MYO9B: variants seen among roughly 807,000 people sequenced by gnomAD.
MYO9B encodes the protein unconventional myosin-IXb.
In MYO9B, 71 loss-of-function variants were observed where a neutral mutation model predicts 229.5. The observed-to-expected ratio is 0.31, with a 90% confidence interval of 0.26 to 0.38. MYO9B has a LOEUF of 0.38. MYO9B is among the 10% of genes least tolerant of loss of function. The probability of loss-of-function intolerance (pLI) is 1.00; values close to 1 mark genes in which losing one functional copy is unlikely to be tolerated. For synonymous variants in MYO9B, 1,185 were observed against 1,235.8 expected, an observed-to-expected ratio of 0.96 and a Z score of 0.86; for missense variants, 2,255 against 2,920.5, an observed-to-expected ratio of 0.77 and a Z score of 5.25.
chr19:17,208,179 A>G (rs371114751), intron 35 of MYO9B, among the ~76,000 whole-genome samples: 2 of 147,438 alleles, frequency 1.4e-5, no homozygotes, highest in Non-Finnish European at 3.0e-5. Flanking sequence ...AATAAAAAAT[A>G]TATATATAAA....
rs374683679 is a variant in MYO9B at position 17,194,877 on chromosome 19, G to A, written c.3450G>A (p.Ser1150=). Residue 1150 remains serine (S), a synonymous_variant, in exon 22 of 40, where the codon TCG becomes TCA. Coordinates refer to ENST00000682292, the MANE Select transcript of MYO9B (RefSeq NM_004145.4). ...CCAGCAGCCGGGAGAAGCGTGAGTC[G>A]CGTCGGCAAAGAGGGCTGGAGCACG... is the stretch of plus-strand genomic sequence containing the variant. The part of the protein sequence containing the change: ...KVPSSREKRE[S]RRQRGLEHVK... The A allele has an allele frequency of 1.3e-5, 21 of 1,613,222 alleles. No individual in the cohort carries two copies. The highest frequency in any genetic ancestry group is 5.3e-5 in the African/African-American group (4 of 74,920).
chr19:17,211,296 G>A (rs2073225983), intron 38 of MYO9B, among the ~76,000 whole-genome samples: 1 of 152,074 alleles, frequency 6.6e-6, no homozygotes, highest in South Asian at 2.1e-4. Flanking sequence ...TTCTGAGACA[G>A]GGTCTTTCTC....
chr19:17,206,253 G>T lies in MYO9B; in HGVS notation c.5263G>T (p.Ala1755Ser), dbSNP rs373181703. The T allele has an allele frequency of 4.8e-6, 1 of 210,416 alleles. No individual in the cohort carries two copies. Among genetic ancestry groups the T allele is most frequent in the African/African-American group, 8.3e-5 (1 of 11,992 alleles). The allele number at this position is 210,416 out of a possible 1,614,324, so 13.0% of individuals were successfully genotyped here. Residue 1755 changes from alanine (A) to serine (S), a missense_variant, in exon 33 of 40, where the codon GCA becomes TCA. Physicochemically the swap from Ala to Ser is moderately conservative, Grantham distance 99 (BLOSUM62 1). Around this residue, in one of 7 missense-constraint regions of MYO9B, gnomAD observed 416 missense variants for 605.5 expected, o/e 0.69. Transcript: ENST00000682292. ...ELRQALQTDP[A>S]AVKLENFPIH... ...CCACCCCACCCACCCCACAGACCCCGCAGCAGTCAAGCTGGAGAACTTCCC... is the reference window on the plus strand; with the variant it reads ...CCACCCCACCCACCCCACAGACCCCTCAGCAGTCAAGCTGGAGAACTTCCC...
chr19:17,186,012 C>CT lies in MYO9B; in HGVS notation c.2577+12dup, dbSNP rs759925666. 3.1e-6 allele frequency: 5 copies of CT among 1,612,780 alleles called. No individual in the cohort carries two copies. The African/African-American group carries it at 6.7e-5, about 22-fold the overall frequency. ...TCCAATGCTGAAAAGGTGAGTTTCT[C>CT]TAAGGTGTTTGGGAGGAGAAGGCCC... On this transcript the variant is annotated intron_variant, in intron 18 of 39. Transcript: ENST00000682292.
At position 17,156,059 on chromosome 19, in the gene MYO9B, G is replaced by A. The variant is rs557693931; in HGVS notation, c.1200-850G>A. Among the ~76,000 whole-genome samples the A allele has an allele frequency of 2.7e-5, 4 of 150,892 alleles. No homozygotes were observed. The East Asian group carries it at 7.9e-4, about 30-fold the overall frequency. On this transcript the variant is annotated intron_variant, in intron 6 of 39. Transcript: ENST00000682292. ...AAGATGGCACCTCTGAATAGCCAGT[G>A]GACTCCATCCTGGACAACATAGCCA... is the stretch of plus-strand genomic sequence containing the variant.
intron 1 of MYO9B, among the ~76,000 whole-genome samples, chr19:17,092,981 C>G (rs774882907): frequency 3.3e-5 from 5 of 152,134 alleles, no homozygotes; most frequent in African/African-American, 1.2e-4. Flanking sequence ...TGTGTACATG[C>G]AAGCACATGG....
chr19:17,078,718 A>G (rs2057508602), intron 1 of MYO9B, among the ~76,000 whole-genome samples: 4 of 152,160 alleles, frequency 2.6e-5, no homozygotes, highest in African/African-American at 7.2e-5. Context: ...ACCTGGAAAG[A>G]TACCACGTGT....
intron 22 of MYO9B, among the ~76,000 whole-genome samples, chr19:17,196,632 G>A (rs372074516): frequency 2.6e-5 from 4 of 150,990 alleles, no homozygotes; most frequent in African/African-American, 9.8e-5. Context: ...GCAGTGAGCC[G>A]AGATCAAGTC....
intron 2 of MYO9B, among the ~76,000 whole-genome samples, chr19:17,117,937 CAAAAA>C (rs567862829): frequency 3.3e-5 from 3 of 91,404 alleles, no homozygotes; most frequent in South Asian, 3.7e-4. Flanking sequence ...CACTCTTCCT[CAAAAA>C]AAAAAAAAAA....
chr19:17,102,039 C>T lies in MYO9B; in HGVS notation c.322C>T (p.Leu108=), dbSNP rs754672549. 6.2e-7 allele frequency: 1 copy of T among 1,612,494 alleles called. No homozygotes were observed. The highest frequency in any genetic ancestry group is 2.2e-5 in the East Asian group (1 of 44,882). ...CCCTCAGGAGGATGGCTACTACTTC[C>T]TGCTGCAGGAGCGCAACGCAGATGG... is the stretch of plus-strand genomic sequence containing the variant. The part of the protein sequence containing the change: ...EHPQEDGYYF[L]LQERNADGTI... The change falls in exon 2 of 40, where the codon CTG becomes TTG. Residue 108 remains leucine, a synonymous_variant. Coordinates refer to ENST00000682292, the MANE Select transcript of MYO9B (RefSeq NM_004145.4).
At chr19:17,154,213 T>C (rs1414068574) in intron 5 of MYO9B, 102 bp from the exon 6 acceptor site, 9 of 1,353,446 alleles carry the variant, frequency 6.6e-6, no homozygotes, top group South Asian at 1.2e-5. Flanking sequence ...TTCATTCCCC[T>C]GGTCCTGGGG....
chr19:17,207,395 G>A (rs951334914), intron 35 of MYO9B, 151 bp downstream of exon 35: 12 of 1,109,170 alleles, frequency 1.1e-5, no homozygotes, highest in Admixed American at 2.7e-5. Context: ...TACTTTGGGA[G>A]GCCAAGGCAA....
chr19:17,142,186 A>AAAAAGAAG lies in MYO9B; in HGVS notation c.841-3210_841-3203dup, dbSNP rs1163307671. 3.0e-3 allele frequency among the ~76,000 whole-genome samples: 451 copies of AAAAAGAAG among 151,562 alleles called. 1 individual carries two copies. The highest frequency in any genetic ancestry group is 0.01 in the African/African-American group (424 of 41,322). On this transcript the variant is annotated intron_variant, in intron 2 of 39. Coordinates refer to ENST00000682292, the MANE Select transcript of MYO9B (RefSeq NM_004145.4). ...CCTTTTAAAAAAAAAAAAAGAAAGA[A>AAAAAGAAG]AAAAGAAGCGGCAACCAGACACAAC...
At chr19:17,106,062 G>T (rs916411117) in intron 2 of MYO9B, among the ~76,000 whole-genome samples, 1 of 151,082 alleles carries the variant, frequency 6.6e-6, no homozygotes, top group African/African-American at 2.4e-5. Flanking sequence ...GAGTGCAGTG[G>T]CACAATCATA....
chr19:17,109,356 C>T (rs1376663122), intron 2 of MYO9B, among the ~76,000 whole-genome samples: 2 of 152,120 alleles, frequency 1.3e-5, no homozygotes, highest in Non-Finnish European at 1.5e-5. Context: ...TGAGCCACTG[C>T]GCCCGGCCAT....
chr19:17,121,561 C>T (rs1274591881), intron 2 of MYO9B, among the ~76,000 whole-genome samples: 1 of 152,042 alleles, frequency 6.6e-6, no homozygotes, highest in African/African-American at 2.4e-5. Context: ...TCCCCCACCC[C>T]AAGTTTACAG....
rs2072979864 is a variant in MYO9B, at chr19:17,191,109, C to A, written c.2701C>A (p.Gln901Lys). 1 of 1,612,530 alleles carries A rather than the reference C, an allele frequency of 6.2e-7. No homozygotes were observed. Among genetic ancestry groups the A allele is most frequent in the African/African-American group, 1.3e-5 (1 of 75,022 alleles). ...CCAAATAACCTAGGATTTCACCGAGCAGTTCCAGGTGCTCCTGCCCAAGGA... is the reference window on the plus strand; with the variant it reads ...CCAAATAACCTAGGATTTCACCGAGAAGTTCCAGGTGCTCCTGCCCAAGGA... ...AKYTFQDFTE[Q>K]FQVLLPKDAQ... The change falls in exon 20 of 40, where the codon CAG (glutamine) becomes AAG (lysine). Residue 901 changes from glutamine (Q) to lysine (K), a missense_variant. Physicochemically the swap from Gln to Lys is moderately conservative, Grantham distance 53 (BLOSUM62 1). This residue lies in a region of MYO9B where 68 missense variants were observed against 133.5 expected (regional missense o/e 0.51). Coordinates refer to ENST00000682292, the MANE Select transcript of MYO9B (RefSeq NM_004145.4).
intron 2 of MYO9B, among the ~76,000 whole-genome samples, chr19:17,129,969 C>T (rs994335905): frequency 3.3e-5 from 5 of 152,106 alleles, no homozygotes; most frequent in Non-Finnish European, 5.9e-5. Flanking sequence ...GTGTGTACCA[C>T]CAGACCTGGT....
intron 2 of MYO9B, among the ~76,000 whole-genome samples, chr19:17,138,632 C>T (rs989826499): frequency 1.3e-5 from 2 of 152,130 alleles, no homozygotes; most frequent in Non-Finnish European, 2.9e-5. Context: ...ACAAAAGCCT[C>T]CACTCAGTGG....
Sources: gnomAD v4.1 joint callset for allele counts (sites outside exome capture counted in the v4.1 genomes callset) on GRCh38, gnomAD v4.1.1 for gene constraint, gnomAD v4.1.1 regional missense constraint, MANE v1.5 for transcripts, NCBI Gene and HGNC (gene_info 2026-07-23, HGNC 2026-07-21) for gene names.